CHIC1: variants seen among roughly 807,000 people sequenced by gnomAD.
CHIC1 encodes the protein cysteine-rich hydrophobic domain-containing protein 1.
In CHIC1, 7 loss-of-function variants were observed where a neutral mutation model predicts 18.5. The observed-to-expected ratio is 0.38, with a 90% CI of 0.22 to 0.71. The LOEUF (loss-of-function observed/expected upper bound fraction) is 0.71. Among genes scored for constraint, CHIC1 ranks in the 30% least tolerant of loss-of-function variants. CHIC1 has a pLI of 0.49. For synonymous variants in CHIC1, 77 were observed against 73.5 expected (o/e 1.05, Z -0.25); for missense variants, 159 against 176.9 (o/e 0.90, Z 0.57).
At chrX:73,578,969 A>T (rs1406369831) in intron 2 of CHIC1, among the ~76,000 whole-genome samples, 1 of 109,873 alleles carries the variant, frequency 9.1e-6, no homozygotes, top group Non-Finnish European at 1.9e-5. Context: ...CCAACTATGT[A>T]CTCTTTTTGC....
chrX:73,636,931 A>G (rs1458810172), intron 3 of CHIC1, among the ~76,000 whole-genome samples: 2 of 111,482 alleles, frequency 1.8e-5, no homozygotes, highest in Non-Finnish European at 3.8e-5. Context: ...AAAATGCAGT[A>G]TATTACAATA....
intron 3 of CHIC1, among the ~76,000 whole-genome samples, chrX:73,650,312 GA>G (rs966858392): frequency 3.6e-5 from 4 of 111,181 alleles, no homozygotes; most frequent in African/African-American, 1.3e-4. Context: ...AAAGCTATCA[GA>G]AGACAAGAAA....
chrX:73,651,478 C>A (rs1220709683), intron 3 of CHIC1, among the ~76,000 whole-genome samples: 2 of 111,010 alleles, frequency 1.8e-5, no homozygotes, highest in South Asian at 3.8e-4. Context: ...ATTTAGAGAA[C>A]CCCATTGTCT....
intron 3 of CHIC1, among the ~76,000 whole-genome samples, chrX:73,590,939 A>G (rs1341794886): frequency 9.0e-6 from 1 of 111,420 alleles, no homozygotes; most frequent in Non-Finnish European, 1.9e-5. Context: ...TTTTGAGTGG[A>G]CAGTTTTGAA....
At chrX:73,655,751 T>C (rs1296757125) in intron 3 of CHIC1, among the ~76,000 whole-genome samples, 6 of 107,029 alleles carry the variant, frequency 5.6e-5, no homozygotes, top group Admixed American at 2.0e-4. Context: ...TCTTTGCTGT[T>C]GTGAGTAGTG....
chrX:73,604,016 C>T (rs1405296410), intron 3 of CHIC1, among the ~76,000 whole-genome samples: 1 of 108,818 alleles, frequency 9.2e-6, no homozygotes, highest in Non-Finnish European at 1.9e-5. Flanking sequence ...ATGCTGGCCT[C>T]ATAAAATGAG....
intron 3 of CHIC1, among the ~76,000 whole-genome samples, chrX:73,653,091 G>A (rs182609021): frequency 1.3e-3 from 140 of 111,450 alleles, no homozygotes; most frequent in Non-Finnish European, 2.3e-3. Flanking sequence ...GATAAAGCTG[G>A]AAGCCTTCTT....
chrX:73,578,534 A>AT (rs2057511408), intron 2 of CHIC1, among the ~76,000 whole-genome samples: 1 of 110,512 alleles, frequency 9.0e-6, no homozygotes, highest in Admixed American at 9.6e-5. Context: ...GTCAGTATAG[A>AT]TTTTGGTCAT....
At chrX:73,632,179 G>T (rs2057810132) in intron 3 of CHIC1, among the ~76,000 whole-genome samples, 2 of 112,187 alleles carry the variant, frequency 1.8e-5, no homozygotes, top group Admixed American at 9.4e-5. Flanking sequence ...TGCATTTATA[G>T]TATCTTCTTG....
intron 1 of CHIC1, 25 bp from the exon 2 acceptor site, chrX:73,577,382 A>G (rs1490754435): frequency 8.6e-7 from 1 of 1,156,907 alleles, no homozygotes; most frequent in African/African-American, 1.8e-5. Flanking sequence ...GGTAGAACAT[A>G]TTTTGTTCTG....
intron 3 of CHIC1, among the ~76,000 whole-genome samples, chrX:73,671,396 C>A (rs1176269255): frequency 8.9e-6 from 1 of 112,130 alleles, no homozygotes; most frequent in African/African-American, 3.2e-5. Flanking sequence ...TCCATCTCTT[C>A]TCTTCTAGAA....
intron 3 of CHIC1, among the ~76,000 whole-genome samples, chrX:73,650,216 C>A (rs1239609637): frequency 8.9e-6 from 1 of 111,917 alleles, no homozygotes; most frequent in African/African-American, 3.2e-5. Context: ...GCACTAAATG[C>A]TCACATCAGA....
rs1034482966 is a variant in CHIC1, at chrX:73,681,553, A to G, written c.*548A>G. ...AGTGGATAAAATATTTAAACTCCTA[A>G]AGACTTGTAAATATTGCCTCTTTGC... On this transcript the variant is annotated 3_prime_UTR_variant, in exon 6 of 6. Transcript: ENST00000373502. 2 of 112,412 alleles carry G rather than the reference A, an allele frequency of 1.8e-5. No homozygotes were observed. The highest frequency in any genetic ancestry group is 6.5e-5 in the African/African-American group (2 of 31,007). 9.3% of individuals were successfully genotyped at this position (112,412 alleles called of 1,213,427 possible).
At chrX:73,598,398 G>A (rs1603341873) in intron 3 of CHIC1, among the ~76,000 whole-genome samples, 1 of 105,887 alleles carries the variant, frequency 9.4e-6, no homozygotes, top group Admixed American at 1.0e-4. Context: ...AGTTACATAT[G>A]TATACATGTG....
At position 73,682,261 on chromosome X, in the gene CHIC1, T is replaced by C. The variant is rs1464388032; in HGVS notation, c.*1256T>C. ...TTATAAATTCAGCACATATGTAACATTTATTTGGTCCATATTTCTCTATTT... is the reference window on the plus strand; with the variant it reads ...TTATAAATTCAGCACATATGTAACACTTATTTGGTCCATATTTCTCTATTT... On this transcript the variant is annotated 3_prime_UTR_variant, in exon 6 of 6. Transcript: ENST00000373502. 3 of 112,008 alleles carry C rather than the reference T, an allele frequency of 2.7e-5. No individual in the cohort carries two copies. Among genetic ancestry groups the C allele is most frequent in the Admixed American group, 9.5e-5 (1 of 10,553 alleles). The allele number at this position is 112,008 out of a possible 1,213,427, so 9.2% of individuals were successfully genotyped here.
At chrX:73,623,996 G>A (rs913644381) in intron 3 of CHIC1, among the ~76,000 whole-genome samples, 4 of 110,189 alleles carry the variant, frequency 3.6e-5, no homozygotes, top group Non-Finnish European at 7.6e-5. Flanking sequence ...AGTTACTAGG[G>A]CCTAATAAGC....
intron 3 of CHIC1, among the ~76,000 whole-genome samples, chrX:73,616,297 T>A (rs927578280): frequency 3.6e-5 from 4 of 111,630 alleles, no homozygotes; most frequent in Non-Finnish European, 7.5e-5. Flanking sequence ...GCAGTGGGAA[T>A]GTACAACACT....
chrX:73,583,011 C>T (rs1444868929), intron 2 of CHIC1, among the ~76,000 whole-genome samples: 1 of 110,809 alleles, frequency 9.0e-6, no homozygotes, highest in Non-Finnish European at 1.9e-5. Flanking sequence ...AGAAATTTTG[C>T]CATTTAATTG....
chrX:73,636,999 A>G (rs1457767011), intron 3 of CHIC1, among the ~76,000 whole-genome samples: 2 of 111,766 alleles, frequency 1.8e-5, no homozygotes, highest in Non-Finnish European at 3.8e-5. Flanking sequence ...AGAGATGTTT[A>G]TATTGACCTC....
Sources: allele counts gnomAD v4.1 joint callset (sites outside exome capture counted in the v4.1 genomes callset), GRCh38; gene constraint gnomAD v4.1.1; transcripts MANE v1.5; gene names NCBI Gene and HGNC (gene_info 2026-07-23, HGNC 2026-07-21).